The following HCN4 variants were observed in gnomAD, a reference collection of about 807,000 sequenced individuals.
HCN4 encodes the protein potassium/sodium hyperpolarization-activated cyclic nucleotide-gated channel 4.
In HCN4, 29 loss-of-function variants were observed where a neutral mutation model predicts 76.9. The ratio of observed to expected loss-of-function variants is 0.38; its 90% CI spans 0.28 to 0.51. HCN4 has a LOEUF of 0.51. Among genes scored for constraint, HCN4 ranks in the 20% least tolerant of loss-of-function variants. The pLI is 0.90. For missense variants in HCN4, 1,416 were observed against 1,715.2 expected (o/e 0.83, Z 3.08); for synonymous variants, 772 against 762.5 (o/e 1.01, Z -0.21).
In HCN4 at chr15:73,350,949, C is replaced by T. The variant is rs550725996; in HGVS notation, c.786-7141G>A. On this transcript the variant is annotated intron_variant, in intron 1 of 7. Transcript: ENST00000261917. ...TCTCGCTTTCGTGCCCCTCACCCAG[C>T]GCTCCTCTCCACTCCACTTGATCTT... is the stretch of plus-strand genomic sequence containing the variant. Among the ~76,000 whole-genome samples, 17 of 152,266 alleles carry T rather than the reference C, an allele frequency of 1.1e-4. 1 individual carries two copies. The South Asian group carries it at 3.5e-3, about 32-fold the overall frequency.
Position 73,325,244 on chromosome 15 carries a change from C to G in HCN4, c.1738-49G>C. 6.2e-7 allele frequency: 1 copy of G among 1,614,136 alleles called. No homozygotes were observed. The highest frequency in any genetic ancestry group is 8.5e-7 in the Non-Finnish European group (1 of 1,180,002). On this transcript the variant is annotated intron_variant, in intron 5 of 7. Coordinates refer to ENST00000261917, the MANE Select transcript of HCN4 (RefSeq NM_005477.3). The surrounding 1 kb of genome is among the most constrained non-coding windows in gnomAD (Gnocchi z 7.4). ...CACGGGAAGGAGGTGGTGAGGGGAG[C>G]TGGCTGCCAGGAAGGCCTGGCTCCC... is the stretch of plus-strand genomic sequence containing the variant.
In HCN4 at chr15:73,354,819, T is replaced by G. The variant is rs964789348; in HGVS notation, c.786-11011A>C. Among the ~76,000 whole-genome samples, 5 of 152,172 alleles carry G rather than the reference T, an allele frequency of 3.3e-5. No homozygotes were observed. In the East Asian group the frequency reaches 9.6e-4, roughly 29 times the overall value. ...CATCATCATTCTATGGCCATTAAGA[T>G]GCAGGTCCTGGCCTGAGAGCTAGGA... On this transcript the variant is annotated intron_variant, in intron 1 of 7. Transcript: ENST00000261917.
At chr15:73,332,978 T>C (rs1209802581) in intron 2 of HCN4, among the ~76,000 whole-genome samples, 1 of 152,170 alleles carries the variant, frequency 6.6e-6, no homozygotes, top group Non-Finnish European at 1.5e-5. Flanking sequence ...GGTAGAGGAG[T>C]GTTCAATAAA....
chr15:73,325,092 T>C lies in HCN4; in HGVS notation c.1841A>G (p.Glu614Gly). ...GATGTAGTCCCCAGGCTGGAAGACC[T>C]CGAAACGCAGCTTGGTCAGCATGGA... is the stretch of plus-strand genomic sequence containing the variant. Reference protein sequence around the residue: ...VTSMLTKLRFEVFQPGDYIIR... With the variant: ...VTSMLTKLRFGVFQPGDYIIR... Residue 614 changes from glutamate to glycine, a missense_variant, in exon 6 of 8, where the codon GAG (glutamate) becomes GGG (glycine). Glu to Gly is a moderately conservative substitution (Grantham distance 98). Transcript: ENST00000261917. The surrounding 1 kb of genome is among the most constrained non-coding windows in gnomAD (Gnocchi z 7.4). The C allele has an allele frequency of 6.2e-7, 1 of 1,614,172 alleles. No individual in the cohort carries two copies.
At chr15:73,329,503 C>A in intron 4 of HCN4, 70 bp downstream of exon 4, 1 of 1,467,990 alleles carries the variant, frequency 6.8e-7, no homozygotes, top group Non-Finnish European at 9.5e-7. Context: ...CTGCTGGGGG[C>A]CCACTGGCTG....
chr15:73,368,145 G>A lies in HCN4; in HGVS notation c.126C>T (p.Asp42=). The A allele has an allele frequency of 4.6e-6, 7 of 1,522,120 alleles. No individual in the cohort carries two copies. Among genetic ancestry groups the A allele is most frequent in the Non-Finnish European group, 5.3e-6 (6 of 1,136,508 alleles). The allele number at this position is 1,522,120 out of a possible 1,614,324, so 94.3% of individuals were successfully genotyped here. A position where few individuals can be genotyped will look rare whatever the true frequency, so the allele number is the denominator to read the frequency against. The stretch of plus-strand genomic sequence containing the variant: ...GCAGCCGGATGCTCCTGCGGCTGGG[G>A]TCTTGGCGGCCCCCGGCCCCCTCCT... ...AEEEGAGGRQ[D]PSRRSIRLRP... The change falls in exon 1 of 8, where the codon GAC becomes GAT. Residue 42 remains aspartate (D), a synonymous_variant. Transcript: ENST00000261917. The surrounding 1 kb of genome is among the most constrained non-coding windows in gnomAD (Gnocchi z 6.9).
At chr15:73,352,817 C>T (rs1457894373) in intron 1 of HCN4, among the ~76,000 whole-genome samples, 1 of 152,222 alleles carries the variant, frequency 6.6e-6, no homozygotes, top group African/African-American at 2.4e-5. Context: ...AACTCCACTG[C>T]TCTCCCGGAA....
chr15:73,367,956 G>C lies in HCN4; in HGVS notation c.315C>G (p.Ser105Arg), dbSNP rs747241045. The change falls in exon 1 of 8, where the codon AGC (serine) becomes AGG (arginine). Residue 105 changes from serine (S) to arginine (R), a missense_variant. Ser to Arg is a moderately radical substitution (Grantham distance 110, BLOSUM62 -1). Transcript: ENST00000261917. The surrounding 1 kb of genome is among the most constrained non-coding windows in gnomAD (Gnocchi z 7.5). ...CCGTGCCGCCGCTGCCGCCGCCCCG[G>C]CTGCCCAGCGAGGCCAGGCTCCCGC... Reference protein sequence around the residue: ...RFRGSLASLGSRGGGSGGTGS... With the variant: ...RFRGSLASLGRRGGGSGGTGS... 3.7e-6 allele frequency: 5 copies of C among 1,350,470 alleles called. No homozygotes were observed. Among genetic ancestry groups the C allele is most frequent in the Non-Finnish European group, 4.7e-6 (5 of 1,056,318 alleles). The allele number at this position is 1,350,470 out of a possible 1,614,324, so 83.7% of individuals were successfully genotyped here.
intron 1 of HCN4, among the ~76,000 whole-genome samples, chr15:73,344,536 GT>G (rs1450357629): frequency 1.3e-5 from 2 of 152,156 alleles, no homozygotes; most frequent in African/African-American, 2.4e-5. Flanking sequence ...ACATGGGGGT[GT>G]GGAGGGGGAG....
At chr15:73,337,074 C>T (rs1484851511) in intron 2 of HCN4, among the ~76,000 whole-genome samples, 1 of 152,226 alleles carries the variant, frequency 6.6e-6, no homozygotes, top group African/African-American at 2.4e-5. Flanking sequence ...CTTCCATCTG[C>T]CTGCGTGCTG....
chr15:73,352,520 G>A (rs2043059315), intron 1 of HCN4, among the ~76,000 whole-genome samples: 1 of 152,220 alleles, frequency 6.6e-6, no homozygotes, highest in African/African-American at 2.4e-5. Context: ...ACATGGGACA[G>A]AAGAAACAGG....
rs770841336 is a variant in HCN4, at chr15:73,325,402, G to A, written c.1633C>T (p.Pro545Ser). The change falls in exon 5 of 8, where the codon CCC (proline) becomes TCC (serine). Residue 545 changes from proline (P) to serine (S), a missense_variant. Pro to Ser is a moderately conservative substitution (Grantham distance 74). Around this residue, in one of 6 missense-constraint regions of HCN4, gnomAD observed 241 missense variants for 379.4 expected, o/e 0.64. Coordinates refer to ENST00000261917, the MANE Select transcript of HCN4 (RefSeq NM_005477.3). This position sits in a 1 kb window ranked among gnomAD's most constrained non-coding sequence, Gnocchi z 7.4. Reference protein sequence around the residue: ...EQYMSFHKLPPDTRQRIHDYY... With the variant: ...EQYMSFHKLPSDTRQRIHDYY... ...TCGTGGATGCGCTGCCGGGTGTCGG[G>A]CGGGAGCTTGTGAAAGGACATGTAC... 1.2e-6 allele frequency: 2 copies of A among 1,614,042 alleles called. No individual in the cohort carries two copies. The highest frequency in any genetic ancestry group is 2.7e-5 in the African/African-American group (2 of 74,932).
In HCN4 at chr15:73,367,999, C is replaced by A; in HGVS notation, c.272G>T (p.Gly91Val). ...ARGAGKSSTN[G>V]DCRRFRGSLA... ...GCTCCCGCGGAAGCGCCTGCAGTCG[C>A]CGTTCGTGCTGGACTTGCCCGCGCC... The change falls in exon 1 of 8, where the codon GGC becomes GTC. Residue 91 changes from glycine to valine, a missense_variant. Transcript: ENST00000261917. This position sits in a 1 kb window ranked among gnomAD's most constrained non-coding sequence, Gnocchi z 7.5. 2 of 1,373,460 alleles carry A rather than the reference C, an allele frequency of 1.5e-6. No individual in the cohort carries two copies. Among genetic ancestry groups the A allele is most frequent in the Non-Finnish European group, 1.9e-6 (2 of 1,069,816 alleles). 85.1% of individuals were successfully genotyped at this position (1,373,460 alleles called of 1,614,324 possible). A position where few individuals can be genotyped will look rare whatever the true frequency, so the allele number is the denominator to read the frequency against.
chr15:73,327,403 G>A (rs1257777166), intron 4 of HCN4, among the ~76,000 whole-genome samples: 2 of 152,016 alleles, frequency 1.3e-5, no homozygotes, highest in African/African-American at 2.4e-5. Context: ...GAGCCACAGC[G>A]CCCGGCCCCA....
rs2042870613 is a variant in HCN4 at position 73,322,901 on chromosome 15, C to G, written c.3192G>C (p.Gln1064His). The G allele has an allele frequency of 1.4e-6, 2 of 1,401,776 alleles. No individual in the cohort carries two copies. Among genetic ancestry groups the G allele is most frequent in the East Asian group, 4.8e-5 (2 of 41,328 alleles). 86.8% of individuals were successfully genotyped at this position (1,401,776 alleles called of 1,614,324 possible). ...GGGGTGTGCCCCGGCGCTGGGGGAC[C>G]TGGGGTGGTGGGGGGCTGGATGCAG... ...LPPASSPPPP[Q>H]VPQRRGTPPL... The change falls in exon 8 of 8, where the codon CAG (glutamine) becomes CAC (histidine). Residue 1064 changes from glutamine to histidine, a missense_variant. Coordinates refer to ENST00000261917, the MANE Select transcript of HCN4 (RefSeq NM_005477.3).
intron 1 of HCN4, among the ~76,000 whole-genome samples, chr15:73,360,603 C>T (rs1467783506): frequency 6.6e-6 from 1 of 152,136 alleles, no homozygotes; most frequent in African/African-American, 2.4e-5. Context: ...TTCTGATATT[C>T]ATGGCTGCAT....
intron 2 of HCN4, among the ~76,000 whole-genome samples, chr15:73,334,646 A>C (rs911926067): frequency 3.3e-5 from 5 of 151,958 alleles, no homozygotes; most frequent in Admixed American, 3.3e-4. Context: ...TCACGGTCTC[A>C]GAGCCGGCCA....
In HCN4 at chr15:73,367,959, G is replaced by A. The variant is rs2151228610; in HGVS notation, c.312C>T (p.Gly104=). 3 of 1,348,356 alleles carry A rather than the reference G, an allele frequency of 2.2e-6. No homozygotes were observed. The highest frequency in any genetic ancestry group is 2.8e-6 in the Non-Finnish European group (3 of 1,055,596). 83.5% of individuals were successfully genotyped at this position (1,348,356 alleles called of 1,614,324 possible). Residue 104 remains glycine (G), a synonymous_variant, in exon 1 of 8, where the codon GGC becomes GGT. Transcript: ENST00000261917. This position sits in a 1 kb window ranked among gnomAD's most constrained non-coding sequence, Gnocchi z 7.5. The stretch of plus-strand genomic sequence containing the variant: ...TGCCGCCGCTGCCGCCGCCCCGGCT[G>A]CCCAGCGAGGCCAGGCTCCCGCGGA... ...RRFRGSLASL[G]SRGGGSGGTG... is the part of the protein sequence containing the mutation.
Position 73,322,924 on chromosome 15 carries a change from C to T in HCN4, c.3169G>A (p.Ala1057Thr). The T allele has an allele frequency of 1.4e-6, 2 of 1,397,466 alleles. No homozygotes were observed. The highest frequency in any genetic ancestry group is 1.9e-6 in the Non-Finnish European group (2 of 1,059,296). The allele number at this position is 1,397,466 out of a possible 1,614,324, so 86.6% of individuals were successfully genotyped here. A position where few individuals can be genotyped will look rare whatever the true frequency, so the allele number is the denominator to read the frequency against. The part of the protein sequence containing the change: ...GSHGSLLLPP[A>T]SSPPPPQVPQ... ...ACCTGGGGTGGTGGGGGGCTGGATG[C>T]AGGTGGCAGGAGCAAGGATCCGTGG... is the stretch of plus-strand genomic sequence containing the variant. Residue 1057 changes from alanine (A) to threonine (T), a missense_variant, in exon 8 of 8, where the codon GCA becomes ACA. By Grantham distance (58) the Ala-to-Thr change is moderately conservative. Transcript: ENST00000261917.
Sources: allele counts gnomAD v4.1 joint callset (sites outside exome capture counted in the v4.1 genomes callset), GRCh38; gene constraint gnomAD v4.1.1; regional missense constraint gnomAD v4.1.1; non-coding constraint Gnocchi (gnomAD v3.1); transcripts MANE v1.5; gene names NCBI Gene and HGNC (gene_info 2026-07-23, HGNC 2026-07-21).